Variants in WNK1 observed in about 807,000 individuals in gnomAD.
WNK1 encodes WNK lysine deficient protein kinase 1.
WNK1 carries 38 observed loss-of-function variants against 222.8 expected under a neutral mutation model. That is an observed-to-expected ratio of 0.17 (90% CI 0.13 to 0.22). The LOEUF is 0.22. Among genes scored for constraint, WNK1 ranks in the 10% least tolerant of loss-of-function variants. The probability of loss-of-function intolerance (pLI) is 1.00; values close to 1 mark genes in which losing one functional copy is unlikely to be tolerated. For synonymous variants in WNK1, 1,090 were observed against 1,092.9 expected (o/e 1.00, Z 0.05); for missense variants, 2,348 against 2,918.4 (o/e 0.80, Z 4.50).
At chr12:894,103 A>G (rs547125637) in intron 22 of WNK1, among the ~76,000 whole-genome samples, 1 of 152,184 alleles carries the variant, frequency 6.6e-6, no homozygotes, top group East Asian at 1.9e-4. Flanking sequence ...CTGTAATCCC[A>G]GCTACTCAGG....
chr12:869,259 A>G (rs1242177342), intron 8 of WNK1: 10 of 1,026,894 alleles, frequency 9.7e-6, no homozygotes, highest in Non-Finnish European at 1.3e-5. Flanking sequence ...GTTGTGAACT[A>G]CATATATGCA....
At chr12:773,283 A>C (rs756465274) in intron 1 of WNK1, among the ~76,000 whole-genome samples, 1 of 152,088 alleles carries the variant, frequency 6.6e-6, no homozygotes, top group Non-Finnish European at 1.5e-5. Context: ...TCTTTAAAGA[A>C]GTTTAGTTTC....
intron 4 of WNK1, among the ~76,000 whole-genome samples, chr12:856,824 A>G (rs750400400): frequency 1.3e-5 from 2 of 152,266 alleles, no homozygotes; most frequent in African/African-American, 2.4e-5. Context: ...AACAAGGTTG[A>G]ACAAAAGATC....
chr12:885,064 A>T lies in WNK1; in HGVS notation c.4260A>T (p.Ala1420=). 6.2e-7 allele frequency: 1 copy of T among 1,614,222 alleles called. No homozygotes were observed. Among genetic ancestry groups the T allele is most frequent in the Non-Finnish European group, 8.5e-7 (1 of 1,180,030 alleles). ...SSVVSSITIP[A]VVSISTTSPS... ...TAGTTTCAAGTATCACAATACCTGC[A>T]GTTGTCTCAATATCTACTACATCCC... is the stretch of plus-strand genomic sequence containing the variant. The change falls in exon 19 of 28, where the codon GCA becomes GCT. Residue 1420 remains alanine (A), a synonymous_variant. Transcript: ENST00000315939.
At chr12:754,936 G>A (rs1250111176) in intron 1 of WNK1, among the ~76,000 whole-genome samples, 1 of 152,272 alleles carries the variant, frequency 6.6e-6, no homozygotes, top group East Asian at 1.9e-4. Context: ...ATGTCTTTCA[G>A]CCCATTCACT....
intron 1 of WNK1, among the ~76,000 whole-genome samples, chr12:757,001 T>G (rs941726415): frequency 5.3e-5 from 8 of 152,146 alleles, no homozygotes; most frequent in Non-Finnish European, 1.0e-4. Context: ...CAAAAGCTAG[T>G]TAGGATCTAA....
Position 859,707 on chromosome 12 carries a change from A to AT in WNK1, c.1620+257dup, listed in dbSNP as rs56249691. Among the ~76,000 whole-genome samples, 450 of 140,236 alleles carry AT rather than the reference A, an allele frequency of 3.2e-3. 1 individual carries two copies. Among genetic ancestry groups the AT allele is most frequent in the East Asian group, 9.4e-3 (46 of 4,910 alleles). The allele number at this position is 140,236 out of a possible 152,430, so 92.0% of individuals were successfully genotyped here. A position where few individuals can be genotyped will look rare whatever the true frequency, so the allele number is the denominator to read the frequency against. The stretch of plus-strand genomic sequence containing the variant: ...ATTTTATAGTCCTTTTTAAAAGTAA[A>AT]TTTTTTTTTTTTTTGATGGAGAGAG... On this transcript the variant is annotated intron_variant, in intron 6 of 27. Transcript: ENST00000315939.
At chr12:809,784 C>T (rs772706067) in intron 1 of WNK1, among the ~76,000 whole-genome samples, 1 of 152,076 alleles carries the variant, frequency 6.6e-6, no homozygotes, top group Non-Finnish European at 1.5e-5. Flanking sequence ...TATTTATATG[C>T]TTAATTTCTT....
At chr12:812,488 A>G (rs1316855726) in intron 1 of WNK1, among the ~76,000 whole-genome samples, 2 of 152,228 alleles carry the variant, frequency 1.3e-5, no homozygotes, top group East Asian at 3.8e-4. Context: ...ATAAGAGTCA[A>G]TATAATGTTG....
At chr12:852,031 G>A (rs72648652) in intron 4 of WNK1, among the ~76,000 whole-genome samples, 8 of 152,164 alleles carry the variant, frequency 5.3e-5, no homozygotes, top group Non-Finnish European at 7.4e-5. Flanking sequence ...AAGAGTTAAT[G>A]TTAATGTTAC....
chr12:883,775 A>G lies in WNK1; in HGVS notation c.3665A>G (p.Lys1222Arg). Residue 1222 changes from lysine (K) to arginine (R), a missense_variant and splice_region_variant, in exon 17 of 28, where the codon AAA becomes AGA. Physicochemically the swap from Lys to Arg is conservative, Grantham distance 26. Transcript: ENST00000315939. The part of the protein sequence containing the change: ...KDDYGFSGSQ[K>R]LEGEFKQPIP... Reference sequence around the variant, plus strand: ...TTTAATCACTTTTGTTTGTTGTAGAAATTGGAAGGAGAGTTCAAACAACCA... The same window carrying G: ...TTTAATCACTTTTGTTTGTTGTAGAGATTGGAAGGAGAGTTCAAACAACCA... The G allele has an allele frequency of 1.2e-6, 2 of 1,614,116 alleles. No homozygotes were observed. Among genetic ancestry groups the G allele is most frequent in the African/African-American group, 2.7e-5 (2 of 75,044 alleles).
At chr12:887,378 G>C in intron 20 of WNK1, 74 bp downstream of exon 20, 3 of 1,476,568 alleles carry the variant, frequency 2.0e-6, no homozygotes, top group South Asian at 2.3e-5. Flanking sequence ...TCTCCACTAC[G>C]TGGTCTTGGC....
chr12:826,904 T>C, intron 2 of WNK1, 138 bp from the exon 3 acceptor site: 2 of 670,454 alleles, frequency 3.0e-6, no homozygotes, highest in South Asian at 3.8e-5. Flanking sequence ...AAAAGTATTA[T>C]TAACCTTTAG....
intron 1 of WNK1, among the ~76,000 whole-genome samples, chr12:757,599 T>C (rs1025878470): frequency 7.2e-5 from 11 of 152,204 alleles, no homozygotes; most frequent in Non-Finnish European, 1.6e-4. Context: ...TAACTGGTTT[T>C]ATTAGACAAG....
intron 26 of WNK1, chr12:901,705 C>A (rs112289208): frequency 1.9e-6 from 2 of 1,069,926 alleles, no homozygotes; most frequent in African/African-American, 1.6e-5. Context: ...CTGCTTGGAT[C>A]TGATGTTTCA....
chr12:812,373 C>T (rs1227467373), intron 1 of WNK1, among the ~76,000 whole-genome samples: 1 of 152,274 alleles, frequency 6.6e-6, no homozygotes, highest in East Asian at 1.9e-4. Context: ...GGCTGTTGAA[C>T]AAGTCACTAT....
rs1289960123 is a variant in WNK1 at position 830,135 on chromosome 12, C to T, written c.1286C>T (p.Ala429Val). The change falls in exon 4 of 28, where the codon GCA becomes GTA. Residue 429 changes from alanine to valine, a missense_variant. Coordinates refer to ENST00000315939, the MANE Select transcript of WNK1 (RefSeq NM_018979.4). ...CCTTACTCGGAGTGCCAAAATGCTG[C>T]ACAGATCTACCGTCGCGTGACCAGT... The part of the protein sequence containing the change: ...EYPYSECQNA[A>V]QIYRRVTSGV... 1.9e-6 allele frequency: 3 copies of T among 1,614,116 alleles called. No homozygotes were observed. The highest frequency in any genetic ancestry group is 2.5e-6 in the Non-Finnish European group (3 of 1,180,024).
Position 884,327 on chromosome 12 carries a change from TATG to T in WNK1, c.3844+89_3844+91del, listed in dbSNP as rs1196291665. 9.4e-5 allele frequency: 148 copies of T among 1,580,594 alleles called. No individual in the cohort carries two copies. The Middle Eastern group carries it at 1.2e-3, about 12-fold the overall frequency. ...AAAGCTTAATCATAAAGCAGTAATT[TATG>T]ATGACACAGATAATAAAAAAGAATA... On this transcript the variant is annotated intron_variant, in intron 18 of 27. Coordinates refer to ENST00000315939, the MANE Select transcript of WNK1 (RefSeq NM_018979.4). The surrounding 1 kb of genome is among the most constrained non-coding windows in gnomAD (Gnocchi z 5.6).
chr12:881,322 C>A, intron 12 of WNK1: 1 of 442,270 alleles, frequency 2.3e-6, no homozygotes, highest in Non-Finnish European at 4.2e-6. Context: ...TCTTACCCTC[C>A]TGTGCTCTCA....
Sources: allele counts gnomAD v4.1 joint callset (sites outside exome capture counted in the v4.1 genomes callset), GRCh38; gene constraint gnomAD v4.1.1; non-coding constraint Gnocchi (gnomAD v3.1); transcripts MANE v1.5; gene names NCBI Gene and HGNC (gene_info 2026-07-23, HGNC 2026-07-21).